EP400: variants seen among roughly 807,000 people sequenced by gnomAD.
EP400 encodes E1A binding protein p400.
Under a neutral mutation model 354.1 loss-of-function variants are expected in EP400, and 105 were observed. That is an observed-to-expected ratio of 0.30 (90% CI 0.25 to 0.35). The LOEUF (loss-of-function observed/expected upper bound fraction) is 0.35, where lower values mean the gene tolerates loss of function less well. EP400 is among the 10% of genes least tolerant of loss of function. The pLI is 1.00. For missense variants in EP400, 3,280 were observed against 4,121.0 expected (o/e 0.80, Z 5.59); for synonymous variants, 1,646 against 1,716.9 (o/e 0.96, Z 1.02).
intron 1 of EP400, among the ~76,000 whole-genome samples, chr12:131,952,196 G>A (rs1442678381): frequency 1.3e-5 from 2 of 150,782 alleles, no homozygotes; most frequent in East Asian, 4.0e-4. Context: ...CCAGCTACTC[G>A]GGAGGCTGAG....
intron 45 of EP400, among the ~76,000 whole-genome samples, chr12:132,055,757 T>G (rs1895486763): frequency 6.7e-6 from 1 of 148,820 alleles, no homozygotes; most frequent in Non-Finnish European, 1.5e-5. Flanking sequence ...GGAGGGTATG[T>G]GTGTGTGTGT....
rs1246855190 is a variant in EP400, at chr12:132,075,544, G to A, written c.9022-972G>A. ...GCCCTGGAGCACCGGCTGCATCTTTGTTTCCCAGCAGTTCCACAGGGGGCG... is the reference window on the plus strand; with the variant it reads ...GCCCTGGAGCACCGGCTGCATCTTTATTTCCCAGCAGTTCCACAGGGGGCG... On this transcript the variant is annotated intron_variant, in intron 51 of 52. Transcript: ENST00000389561. The surrounding 1 kb of genome is among the most constrained non-coding windows in gnomAD (Gnocchi z 4.5). Among the ~76,000 whole-genome samples the A allele has an allele frequency of 1.3e-5, 2 of 152,138 alleles. No individual in the cohort carries two copies. The highest frequency in any genetic ancestry group is 2.9e-5 in the Non-Finnish European group (2 of 68,014).
In EP400 at chr12:132,078,032, G is replaced by C; in HGVS notation, c.*359G>C. 1 of 230,206 alleles carries C rather than the reference G, an allele frequency of 4.3e-6. No homozygotes were observed. Among genetic ancestry groups the C allele is most frequent in the Non-Finnish European group, 8.6e-6 (1 of 115,884 alleles). The allele number at this position is 230,206 out of a possible 1,614,324, so 14.3% of individuals were successfully genotyped here. A position where few individuals can be genotyped will look rare whatever the true frequency, so the allele number is the denominator to read the frequency against. Reference sequence around the variant, plus strand: ...ATGTAGTGCTTTGCACGCCACAGAAGCCGTCTGCCGTGTGTGAGGAGCATA... The same window carrying C: ...ATGTAGTGCTTTGCACGCCACAGAACCCGTCTGCCGTGTGTGAGGAGCATA... On this transcript the variant is annotated 3_prime_UTR_variant, in exon 53 of 53. Coordinates refer to ENST00000389561, the MANE Select transcript of EP400 (RefSeq NM_015409.5).
At chr12:132,006,058 G>C in intron 13 of EP400, 54 bp from the exon 14 acceptor site, 1 of 1,526,896 alleles carries the variant, frequency 6.5e-7, no homozygotes, top group Non-Finnish European at 8.9e-7. Flanking sequence ...AAAAGGTTTA[G>C]ATTTATAAAG....
intron 12 of EP400, among the ~76,000 whole-genome samples, chr12:131,997,586 CG>C (rs1893257635): frequency 6.6e-6 from 1 of 151,962 alleles, no homozygotes; most frequent in African/African-American, 2.4e-5. Context: ...TTTAATATTA[CG>C]TACTGTATTC....
intron 32 of EP400, among the ~76,000 whole-genome samples, chr12:132,042,142 G>C (rs1404740215): frequency 1.3e-5 from 2 of 151,800 alleles, no homozygotes; most frequent in African/African-American, 4.8e-5. Context: ...ATAGAGACGT[G>C]GTTTCTCCAT....
chr12:131,962,433 C>G (rs1470050095), intron 2 of EP400, among the ~76,000 whole-genome samples: 4 of 152,184 alleles, frequency 2.6e-5, no homozygotes, highest in African/African-American at 9.7e-5. Flanking sequence ...GGTTTTCAAA[C>G]AGATTTAAGT....
chr12:132,056,370 G>C (rs1282824615), intron 45 of EP400, among the ~76,000 whole-genome samples: 2 of 152,018 alleles, frequency 1.3e-5, no homozygotes, highest in African/African-American at 4.8e-5. Context: ...TAGATGTGTA[G>C]ATGATGGAAT....
intron 7 of EP400, among the ~76,000 whole-genome samples, chr12:131,988,284 C>T (rs1250773841): frequency 1.3e-5 from 2 of 152,192 alleles, no homozygotes; most frequent in African/African-American, 4.8e-5. Context: ...CAGAGCCCAG[C>T]ATGCGTTGTT....
Position 132,067,071 on chromosome 12 carries a change from C to A in EP400, c.8749+102C>A. 7.3e-7 allele frequency: 1 copy of A among 1,375,924 alleles called. No individual in the cohort carries two copies. Among genetic ancestry groups the A allele is most frequent in the Non-Finnish European group, 9.6e-7 (1 of 1,044,094 alleles). The allele number at this position is 1,375,924 out of a possible 1,614,324, so 85.2% of individuals were successfully genotyped here. A position where few individuals can be genotyped will look rare whatever the true frequency, so the allele number is the denominator to read the frequency against. ...GCGACCCGTGTTCTTTCCTCACACC[C>A]ACCCACTTGAGCGTGCCATCACGTG... is the stretch of plus-strand genomic sequence containing the variant. On this transcript the variant is annotated intron_variant, in intron 49 of 52. Coordinates refer to ENST00000389561, the MANE Select transcript of EP400 (RefSeq NM_015409.5). The surrounding 1 kb of genome is among the most constrained non-coding windows in gnomAD (Gnocchi z 5.3).
intron 32 of EP400, among the ~76,000 whole-genome samples, chr12:132,042,475 T>C (rs959339096): frequency 2.0e-5 from 3 of 152,298 alleles, no homozygotes; most frequent in African/African-American, 7.2e-5. Flanking sequence ...TCTGCCCACC[T>C]GAAGGTCACC....
intron 51 of EP400, among the ~76,000 whole-genome samples, chr12:132,074,585 G>A (rs982667979): frequency 3.3e-5 from 5 of 152,154 alleles, no homozygotes; most frequent in Non-Finnish European, 5.9e-5. Flanking sequence ...GAAATAAGCA[G>A]CCACTGTTTG....
At chr12:132,048,195 A>G (rs1895175211) in intron 39 of EP400, among the ~76,000 whole-genome samples, 1 of 152,204 alleles carries the variant, frequency 6.6e-6, no homozygotes, top group Non-Finnish European at 1.5e-5. Flanking sequence ...CTCAGCTTAC[A>G]AAGATGATGG....
At chr12:131,955,768 C>T (rs1311589964) in intron 1 of EP400, among the ~76,000 whole-genome samples, 2 of 152,088 alleles carry the variant, frequency 1.3e-5, no homozygotes, top group African/African-American at 2.4e-5. Flanking sequence ...CCTCAGCCTC[C>T]CGAGTAGCTG....
At chr12:132,021,409 C>T (rs1203574937) in intron 23 of EP400, 88 bp downstream of exon 23, 2 of 1,416,174 alleles carry the variant, frequency 1.4e-6, no homozygotes, top group East Asian at 5.3e-5. Context: ...AGGAGCCTTG[C>T]TGTCCACTCC....
chr12:132,030,191 G>A (rs773006821), intron 29 of EP400, 33 bp downstream of exon 29: 2 of 1,611,144 alleles, frequency 1.2e-6, no homozygotes, highest in African/African-American at 1.3e-5. Context: ...TGTCTCTGAT[G>A]GGTCAGTCAC....
In EP400 at chr12:132,032,167, A is replaced by T. The variant is rs772706847; in HGVS notation, c.5951+18A>T. ...ATATACAGGTGAGGGCCTGCGGGGG[A>T]TAGGATCAGGAGATGCAAAGACATC... On this transcript the variant is annotated intron_variant, in intron 30 of 52. Transcript: ENST00000389561. 1 of 1,604,638 alleles carries T rather than the reference A, an allele frequency of 6.2e-7. No homozygotes were observed. Among genetic ancestry groups the T allele is most frequent in the South Asian group, 1.1e-5 (1 of 90,026 alleles).
In EP400 at chr12:132,075,791, G is replaced by A. The variant is rs1896216306; in HGVS notation, c.9022-725G>A. On this transcript the variant is annotated intron_variant, in intron 51 of 52. Coordinates refer to ENST00000389561, the MANE Select transcript of EP400 (RefSeq NM_015409.5). This position sits in a 1 kb window ranked among gnomAD's most constrained non-coding sequence, Gnocchi z 4.5. ...AGTAACAGGACCCAGCAAGAGACCAGGGTCCGTGAGGGCCTTGTGCAGGGA... is the reference window on the plus strand; with the variant it reads ...AGTAACAGGACCCAGCAAGAGACCAAGGTCCGTGAGGGCCTTGTGCAGGGA... 6.5e-6 allele frequency: 1 copy of A among 152,674 alleles called. No individual in the cohort carries two copies. The highest frequency in any genetic ancestry group is 2.1e-4 in the South Asian group (1 of 4,840). 9.5% of individuals were successfully genotyped at this position (152,674 alleles called of 1,614,324 possible).
intron 39 of EP400, among the ~76,000 whole-genome samples, chr12:132,048,704 G>A (rs1187520491): frequency 1.3e-5 from 2 of 151,928 alleles, no homozygotes; most frequent in African/African-American, 4.8e-5. Context: ...TGTATTTTTA[G>A]TAGAGGCATG....
Sources: allele counts gnomAD v4.1 joint callset (sites outside exome capture counted in the v4.1 genomes callset), GRCh38; gene constraint gnomAD v4.1.1; non-coding constraint Gnocchi (gnomAD v3.1); transcripts MANE v1.5; gene names NCBI Gene and HGNC (gene_info 2026-07-23, HGNC 2026-07-21).